The following ADAMTS16 variants were observed in gnomAD, a reference collection of about 807,000 sequenced individuals.
ADAMTS16 encodes ADAM metallopeptidase with thrombospondin type 1 motif 16, also known as A disintegrin and metalloproteinase with thrombospondin motifs 16.
A neutral mutation model predicts 145.8 loss-of-function variants in ADAMTS16; 94 were observed. That is an observed-to-expected ratio of 0.64 (90% CI 0.55 to 0.77). ADAMTS16 has a LOEUF of 0.77. Among genes scored for constraint, ADAMTS16 ranks in the 30% least tolerant of loss-of-function variants. The pLI is 0.00. For synonymous variants in ADAMTS16, 659 were observed against 604.3 expected (o/e 1.09, Z -1.33); for missense variants, 1,585 against 1,591.5 (o/e 1.00, Z 0.07).
At chr5:5,157,335 C>T (rs1734627948) in intron 3 of ADAMTS16, among the ~76,000 whole-genome samples, 2 of 150,858 alleles carry the variant, frequency 1.3e-5, no homozygotes, top group African/African-American at 2.4e-5. Context: ...ATGGAAATAC[C>T]AAATAAGGGA....
rs72647748 is a variant in ADAMTS16, at chr5:5,190,143, A to G, written c.1207+13A>G. 1,992 of 1,577,326 alleles carry G rather than the reference A, an allele frequency of 1.3e-3. 1 individual carries two copies. The highest frequency in any genetic ancestry group is 1.7e-3 in the Non-Finnish European group (1,922 of 1,161,534). ...TGTGACACTTTGGGTGAGAACCTCC[A>G]GCAGAGTGTGAGGACCGTGTGTGGA... On this transcript the variant is annotated intron_variant, in intron 7 of 22. Coordinates refer to ENST00000274181, the MANE Select transcript of ADAMTS16 (RefSeq NM_139056.4).
chr5:5,318,057 GA>G, intron 21 of ADAMTS16, 76 bp from the exon 22 acceptor site: 1 of 1,274,616 alleles, frequency 7.8e-7, no homozygotes, highest in Non-Finnish European at 1.0e-6. Flanking sequence ...AGGCCTTTTA[GA>G]AAGGTGGGCA....
At chr5:5,314,265 C>T (rs1425793598) in intron 21 of ADAMTS16, among the ~76,000 whole-genome samples, 2 of 152,172 alleles carry the variant, frequency 1.3e-5, no homozygotes, top group Admixed American at 1.3e-4. Context: ...TCAGGAGAGA[C>T]TTCACAGTAA....
At chr5:5,152,047 G>T (rs566551179) in intron 3 of ADAMTS16, among the ~76,000 whole-genome samples, 53 of 152,266 alleles carry the variant, frequency 3.5e-4, no homozygotes, top group African/African-American at 1.2e-3. Context: ...TTGTCTTCCA[G>T]GGTCATCCTT....
chr5:5,257,080 T>A (rs1560971794), intron 17 of ADAMTS16, among the ~76,000 whole-genome samples: 1 of 152,206 alleles, frequency 6.6e-6, no homozygotes, highest in Non-Finnish European at 1.5e-5. Context: ...TTTTCTAATT[T>A]AATAGTCTCT....
At position 5,229,565 on chromosome 5, in the gene ADAMTS16, C is replaced by T. The variant is rs548288555; in HGVS notation, c.1702-2803C>T. Among the ~76,000 whole-genome samples the T allele has an allele frequency of 1.3e-3, 194 of 152,216 alleles. 1 individual carries two copies. The highest frequency in any genetic ancestry group is 4.1e-3 in the African/African-American group (170 of 41,546). ...ATTTTTTTAACACCAAGCAGCAGTT[C>T]CCAACACAAGGAATGTACAAGATGA... On this transcript the variant is annotated intron_variant, in intron 11 of 22. Coordinates refer to ENST00000274181, the MANE Select transcript of ADAMTS16 (RefSeq NM_139056.4).
intron 3 of ADAMTS16, 70 bp downstream of exon 3, chr5:5,146,525 C>A: frequency 1.4e-6 from 2 of 1,437,488 alleles, no homozygotes; most frequent in South Asian, 2.6e-5. Flanking sequence ...GTAACCAGGA[C>A]TTTCCCTCGA....
At position 5,239,886 on chromosome 5, in the gene ADAMTS16, AATC is replaced by A; in HGVS notation, c.2485_2487del (p.Ile829del). On this transcript the variant is annotated inframe_deletion, in exon 16 of 23. Coordinates refer to ENST00000274181, the MANE Select transcript of ADAMTS16 (RefSeq NM_139056.4). The stretch of plus-strand genomic sequence containing the variant: ...GGTCCTATAATGAGCCCGAGAACTT[AATC>A]GCTACTGGACCAACCAACGAGACAC... The A allele has an allele frequency of 6.2e-7, 1 of 1,614,166 alleles. No homozygotes were observed. Among genetic ancestry groups the A allele is most frequent in the Non-Finnish European group, 8.5e-7 (1 of 1,180,030 alleles).
chr5:5,226,466 G>A (rs1039729899), intron 11 of ADAMTS16, among the ~76,000 whole-genome samples: 7 of 152,106 alleles, frequency 4.6e-5, no homozygotes, highest in Admixed American at 6.5e-5. Context: ...GGTCCCTCCC[G>A]TGACACATGG....
chr5:5,319,407 C>T lies in ADAMTS16; in HGVS notation c.*269C>T, dbSNP rs1204653403. 1.5e-5 allele frequency: 7 copies of T among 478,276 alleles called. No individual in the cohort carries two copies. The highest frequency in any genetic ancestry group is 1.4e-4 in the South Asian group (6 of 43,566). The allele number at this position is 478,276 out of a possible 1,614,324, so 29.6% of individuals were successfully genotyped here. ...TGTGGCTCGTGAGGCAGAAGGCAGG[C>T]ACCACAACGGGAGAGGCAGCACTCA... On this transcript the variant is annotated 3_prime_UTR_variant, in exon 23 of 23. Coordinates refer to ENST00000274181, the MANE Select transcript of ADAMTS16 (RefSeq NM_139056.4).
chr5:5,173,178 GT>G lies in ADAMTS16; in HGVS notation c.502-8854del, dbSNP rs71604109. On this transcript the variant is annotated intron_variant, in intron 3 of 22. Coordinates refer to ENST00000274181, the MANE Select transcript of ADAMTS16 (RefSeq NM_139056.4). The stretch of plus-strand genomic sequence containing the variant: ...TGTAGGCAACAGATCATTGGGTCTT[GT>G]TTTTTTTTTTTCTTAATCCATTCAG... 5.2e-3 allele frequency among the ~76,000 whole-genome samples: 743 copies of G among 142,652 alleles called. 10 individuals are homozygous for G. Among genetic ancestry groups the G allele is most frequent in the African/African-American group, 0.018 (682 of 38,962 alleles). 93.6% of individuals were successfully genotyped at this position (142,652 alleles called of 152,430 possible).
chr5:5,267,234 G>A (rs1308847319), intron 18 of ADAMTS16, among the ~76,000 whole-genome samples: 4 of 152,258 alleles, frequency 2.6e-5, no homozygotes, highest in South Asian at 2.1e-4. Context: ...AACTCCCAGT[G>A]GGCATGTGTT....
chr5:5,298,771 G>A (rs1438173280), intron 18 of ADAMTS16, among the ~76,000 whole-genome samples: 4 of 152,202 alleles, frequency 2.6e-5, no homozygotes, highest in African/African-American at 9.7e-5. Flanking sequence ...AGACAAGGTT[G>A]TAGTGTCTTC....
At chr5:5,177,748 A>T (rs922554608) in intron 3 of ADAMTS16, among the ~76,000 whole-genome samples, 2 of 152,230 alleles carry the variant, frequency 1.3e-5, no homozygotes, top group African/African-American at 4.8e-5. Context: ...AACAAATGAC[A>T]CTTCAGGAGA....
At chr5:5,224,634 G>A (rs1460864525) in intron 11 of ADAMTS16, among the ~76,000 whole-genome samples, 1 of 152,148 alleles carries the variant, frequency 6.6e-6, no homozygotes, top group Non-Finnish European at 1.5e-5. Context: ...ATGAGATATG[G>A]CATGGAAATT....
intron 18 of ADAMTS16, among the ~76,000 whole-genome samples, chr5:5,302,885 G>A (rs369759180): frequency 1.3e-5 from 2 of 152,106 alleles, no homozygotes; most frequent in East Asian, 1.9e-4. Context: ...AGGGGTTGGG[G>A]GCATACACTG....
intron 8 of ADAMTS16, among the ~76,000 whole-genome samples, chr5:5,193,679 G>A (rs1560943015): frequency 6.6e-6 from 1 of 152,132 alleles, no homozygotes; most frequent in Non-Finnish European, 1.5e-5. Context: ...ATCAGTGTTG[G>A]CATTTATTTT....
chr5:5,252,665 A>G (rs576743449), intron 17 of ADAMTS16, among the ~76,000 whole-genome samples: 1 of 152,354 alleles, frequency 6.6e-6, no homozygotes, highest in Non-Finnish European at 1.5e-5. Flanking sequence ...GATTAAAGTC[A>G]AAACTTTACC....
At chr5:5,236,420 C>T (rs954584407) in intron 13 of ADAMTS16, among the ~76,000 whole-genome samples, 2 of 152,072 alleles carry the variant, frequency 1.3e-5, no homozygotes, top group African/African-American at 4.8e-5. Context: ...CTTCCTATTT[C>T]TCTAGGTACC....
Sources: allele counts gnomAD v4.1 joint callset (sites outside exome capture counted in the v4.1 genomes callset), GRCh38; gene constraint gnomAD v4.1.1; transcripts MANE v1.5; gene names NCBI Gene and HGNC (gene_info 2026-07-23, HGNC 2026-07-21).